TGFBRAP1: variants seen among roughly 807,000 people sequenced by gnomAD.
TGFBRAP1 encodes transforming growth factor beta receptor associated protein 1.
A neutral mutation model predicts 83.2 loss-of-function variants in TGFBRAP1; 20 were observed. The observed-to-expected ratio is 0.24, with a 90% confidence interval of 0.17 to 0.35. TGFBRAP1 has a LOEUF of 0.35. TGFBRAP1 is among the 10% of genes least tolerant of loss of function. TGFBRAP1 has a pLI of 1.00. For synonymous variants in TGFBRAP1, 415 were observed against 459.8 expected (o/e 0.90, Z 1.25); for missense variants, 950 against 1,099.4 (o/e 0.86, Z 1.92).
rs1447928937 is a variant in TGFBRAP1 at position 105,280,407 on chromosome 2, C to G, written c.1438G>C (p.Ala480Pro). Residue 480 changes from alanine to proline, a missense_variant, in exon 6 of 12, where the codon GCT becomes CCT. Ala to Pro is a conservative substitution (Grantham distance 27, BLOSUM62 -1). Coordinates refer to ENST00000393359, the MANE Select transcript of TGFBRAP1 (RefSeq NM_004257.6). Reference protein sequence around the residue: ...TENFCLLTDSAAWLEKHKKYF... With the variant: ...TENFCLLTDSPAWLEKHKKYF... ...TTTTTGTGCTTCTCTAGCCAGGCAG[C>G]ACTGTCCGTCAGAAGACAGAAGTTC... 2.5e-6 allele frequency: 4 copies of G among 1,613,996 alleles called. No individual in the cohort carries two copies. Among genetic ancestry groups the G allele is most frequent in the Non-Finnish European group, 3.4e-6 (4 of 1,180,006 alleles).
intron 10 of TGFBRAP1, among the ~76,000 whole-genome samples, chr2:105,271,462 T>C (rs1169833640): frequency 5.3e-5 from 8 of 152,194 alleles, no homozygotes; most frequent in Non-Finnish European, 7.3e-5. Context: ...GCACAGCGGA[T>C]CGCCACAGAA....
At chr2:105,260,333 C>T (rs764358631), downstream of TGFBRAP1, among the ~76,000 whole-genome samples, 16 of 152,180 alleles carry the variant, frequency 1.1e-4, no homozygotes, top group South Asian at 2.1e-4. Flanking sequence ...CCCTTGAACC[C>T]GGGAGGCGGA....
chr2:105,280,779 C>A, intron 5 of TGFBRAP1, 56 bp from the exon 6 acceptor site: 1 of 1,529,996 alleles, frequency 6.5e-7, no homozygotes, highest in Non-Finnish European at 8.8e-7. Flanking sequence ...TACACATAGG[C>A]ACACAAAACA....
chr2:105,296,244 A>C, intron 4 of TGFBRAP1, 112 bp downstream of exon 4: 1 of 1,288,548 alleles, frequency 7.8e-7, no homozygotes, highest in Non-Finnish European at 1.1e-6. Flanking sequence ...ACAGATATAA[A>C]AGCAGTGTGT....
At chr2:105,287,611 C>T (rs1046616118) in intron 4 of TGFBRAP1, among the ~76,000 whole-genome samples, 9 of 152,056 alleles carry the variant, frequency 5.9e-5, no homozygotes, top group African/African-American at 1.9e-4. Flanking sequence ...GGAGCAGAAC[C>T]GTGCAACCTC....
At chr2:105,286,493 C>T (rs1398418769) in intron 4 of TGFBRAP1, among the ~76,000 whole-genome samples, 1 of 152,206 alleles carries the variant, frequency 6.6e-6, no homozygotes, top group Non-Finnish European at 1.5e-5. Context: ...AGGATGAGTA[C>T]ATACGAAGGA....
intron 4 of TGFBRAP1, among the ~76,000 whole-genome samples, chr2:105,286,297 C>T (rs925622185): frequency 6.6e-6 from 1 of 152,052 alleles, no homozygotes; most frequent in African/African-American, 2.4e-5. Flanking sequence ...CAGAGAACAC[C>T]GTCAGATTCC....
At chr2:105,305,515 G>A (rs1678464963) in intron 2 of TGFBRAP1, among the ~76,000 whole-genome samples, 1 of 152,130 alleles carries the variant, frequency 6.6e-6, no homozygotes, top group African/African-American at 2.4e-5. Context: ...GTCCATAAGA[G>A]CACTGCTAAA....
rs1286202185 is a variant in TGFBRAP1 at position 105,280,363 on chromosome 2, T to A, written c.1463+19A>T. On this transcript the variant is annotated intron_variant, in intron 6 of 11. Coordinates refer to ENST00000393359, the MANE Select transcript of TGFBRAP1 (RefSeq NM_004257.6). Reference sequence around the variant, plus strand: ...TGCAGGGCGGGAAGCCCTGATCATATCAGGAAGGGAACACTCACTTTTTGT... The same window carrying A: ...TGCAGGGCGGGAAGCCCTGATCATAACAGGAAGGGAACACTCACTTTTTGT... 6.2e-7 allele frequency: 1 copy of A among 1,607,212 alleles called. No individual in the cohort carries two copies. The highest frequency in any genetic ancestry group is 2.2e-5 in the East Asian group (1 of 44,812).
chr2:105,295,005 G>A (rs767327215), intron 4 of TGFBRAP1, among the ~76,000 whole-genome samples: 2 of 152,096 alleles, frequency 1.3e-5, no homozygotes, highest in African/African-American at 2.4e-5. Context: ...TGGGACTGGC[G>A]ATCTGCCTCT....
intron 1 of TGFBRAP1, among the ~76,000 whole-genome samples, chr2:105,326,538 T>C (rs1278939165): frequency 6.6e-6 from 1 of 152,094 alleles, no homozygotes; most frequent in Non-Finnish European, 1.5e-5. Flanking sequence ...GGCAACATGG[T>C]GAAACTCTGT....
intron 1 of TGFBRAP1, among the ~76,000 whole-genome samples, chr2:105,323,537 G>A (rs921048400): frequency 6.6e-6 from 1 of 152,172 alleles, no homozygotes; most frequent in Admixed American, 6.5e-5. Context: ...GTGAAGGCTT[G>A]AAAACCTCTA....
At chr2:105,258,797 G>T in the TGFBRAP1 span, among the ~76,000 whole-genome samples, 7 of 144,828 alleles carry the variant, frequency 4.8e-5, no homozygotes, top group Non-Finnish European at 3.0e-5. Context: ...TCTCCTATTG[G>T]TTCTCTTTCT....
chr2:105,307,229 CTG>C (rs1213379366), intron 2 of TGFBRAP1, among the ~76,000 whole-genome samples: 1 of 152,176 alleles, frequency 6.6e-6, no homozygotes, highest in African/African-American at 2.4e-5. Context: ...TCAGAACGTA[CTG>C]TCTCTCTCCA....
In TGFBRAP1 at chr2:105,276,990, G is replaced by A. The variant is rs190742361; in HGVS notation, c.1521+624C>T. Among the ~76,000 whole-genome samples the A allele has an allele frequency of 2.2e-4, 33 of 152,286 alleles. 1 individual carries two copies. The East Asian group carries it at 3.3e-3, about 15-fold the overall frequency. ...GTACAAATGCATAACTAATAACGAA[G>A]GGGAGAAAGTCTCCCCCTGAGAGTG... On this transcript the variant is annotated intron_variant, in intron 7 of 11. Coordinates refer to ENST00000393359, the MANE Select transcript of TGFBRAP1 (RefSeq NM_004257.6).
At position 105,267,220 on chromosome 2, in the gene TGFBRAP1, G is replaced by T; in HGVS notation, c.*163C>A. On this transcript the variant is annotated 3_prime_UTR_variant, in exon 12 of 12. Transcript: ENST00000393359. The stretch of plus-strand genomic sequence containing the variant: ...ATTCCATGTACATTCATAGAGCCTG[G>T]TCAGCAGCGAGGAGTCCTTGTTGCG... 1 of 671,436 alleles carries T rather than the reference G, an allele frequency of 1.5e-6. No homozygotes were observed. The highest frequency in any genetic ancestry group is 2.3e-6 in the Non-Finnish European group (1 of 427,696). The allele number at this position is 671,436 out of a possible 1,614,324, so 41.6% of individuals were successfully genotyped here.
At position 105,321,797 on chromosome 2, in the gene TGFBRAP1, G is replaced by T. The variant is rs116613894; in HGVS notation, c.-18+7828C>A. 9.6e-3 allele frequency among the ~76,000 whole-genome samples: 1,469 copies of T among 152,312 alleles called. 21 individuals carry two copies. Among genetic ancestry groups the T allele is most frequent in the African/African-American group, 0.033 (1,389 of 41,570 alleles). ...GCATCACTCATGTGTGGTGTTGCTG[G>T]CGTACACTAACCTACTGCAGTGCCA... On this transcript the variant is annotated intron_variant, in intron 1 of 11. Coordinates refer to ENST00000393359, the MANE Select transcript of TGFBRAP1 (RefSeq NM_004257.6).
chr2:105,325,412 G>C (rs1679198073), intron 1 of TGFBRAP1, among the ~76,000 whole-genome samples: 1 of 152,170 alleles, frequency 6.6e-6, no homozygotes, highest in Non-Finnish European at 1.5e-5. Flanking sequence ...CTTGCTCAAG[G>C]TTACCTGGCT....
the TGFBRAP1 span, among the ~76,000 whole-genome samples, chr2:105,256,841 T>A: frequency 6.6e-6 from 1 of 152,190 alleles, no homozygotes; most frequent in Non-Finnish European, 1.5e-5. Flanking sequence ...ATAAAGACCT[T>A]GCTGATAAAA....
Sources: allele counts gnomAD v4.1 joint callset (sites outside exome capture counted in the v4.1 genomes callset), GRCh38; gene constraint gnomAD v4.1.1; transcripts MANE v1.5; gene names NCBI Gene and HGNC (gene_info 2026-07-23, HGNC 2026-07-21).